Variants in KDM4C observed in about 807,000 individuals in gnomAD.
The protein encoded by KDM4C is lysine-specific demethylase 4C.
In KDM4C, 81 loss-of-function variants were observed where a neutral mutation model predicts 129.3. The observed-to-expected ratio is 0.63, with a 90% CI of 0.52 to 0.75. The LOEUF (loss-of-function observed/expected upper bound fraction) is 0.75, where lower values mean the gene tolerates loss of function less well. Among genes scored for constraint, KDM4C ranks in the 30% least tolerant of loss-of-function variants. The probability of loss-of-function intolerance (pLI) is 0.00; values close to 1 mark genes in which losing one functional copy is unlikely to be tolerated. For synonymous variants in KDM4C, 573 were observed against 456.1 expected (o/e 1.26, Z -3.26); for missense variants, 1,457 against 1,304.0 (o/e 1.12, Z -1.81).
intron 8 of KDM4C, among the ~76,000 whole-genome samples, chr9:6,953,521 C>T (rs774467967): frequency 8.5e-5 from 13 of 152,090 alleles, no homozygotes; most frequent in Non-Finnish European, 1.8e-4. Flanking sequence ...ATAAAGCTTT[C>T]TTTTATTAGA....
At chr9:6,807,798 G>GT (rs1281256517) in intron 3 of KDM4C, among the ~76,000 whole-genome samples, 2 of 145,400 alleles carry the variant, frequency 1.4e-5, no homozygotes, top group Non-Finnish European at 3.0e-5. Flanking sequence ...GGTGGGGGGG[G>GT]GGTCAGCCCC....
intron 4 of KDM4C, 106 bp downstream of exon 4, chr9:6,814,851 CATA>C (rs1831792313): frequency 3.5e-6 from 2 of 563,934 alleles, no homozygotes. Flanking sequence ...TTGGGTGATC[CATA>C]ATTCCTCAAA....
Position 6,806,498 on chromosome 9 carries a change from A to AATAT in KDM4C, c.320+725_320+726insTATA, listed in dbSNP as rs373532277. On this transcript the variant is annotated intron_variant, in intron 3 of 21. Coordinates refer to ENST00000381309, the MANE Select transcript of KDM4C (RefSeq NM_015061.6). ...AACAAGAGTGAAACTCCGTCTCGAA[A>AATAT]AAATAAATAAATAAATAAATAAATA... Among the ~76,000 whole-genome samples the AATAT allele has an allele frequency of 2.0e-5, 3 of 146,690 alleles. No individual in the cohort carries two copies. The East Asian group carries it at 6.0e-4, about 29-fold the overall frequency.
chr9:7,016,044 A>C (rs1012847031), intron 15 of KDM4C, 115 bp downstream of exon 15: 2 of 605,624 alleles, frequency 3.3e-6, no homozygotes, highest in African/African-American at 3.7e-5. Context: ...GCAGTTCTGC[A>C]CTTCCTTGTG....
At chr9:6,952,405 A>T (rs1489994189) in intron 8 of KDM4C, among the ~76,000 whole-genome samples, 1 of 116,286 alleles carries the variant, frequency 8.6e-6, no homozygotes, top group Non-Finnish European at 1.9e-5. Context: ...CACAGTGTGT[A>T]TGTGTGTATA....
At chr9:6,999,185 C>A (rs1304670045) in intron 12 of KDM4C, among the ~76,000 whole-genome samples, 2 of 152,112 alleles carry the variant, frequency 1.3e-5, no homozygotes, top group African/African-American at 2.4e-5. Flanking sequence ...GAAAATTATG[C>A]CCTCCTGCTC....
intron 13 of KDM4C, among the ~76,000 whole-genome samples, chr9:7,012,370 T>C (rs1822873188): frequency 6.6e-6 from 1 of 152,218 alleles, no homozygotes; most frequent in South Asian, 2.1e-4. Context: ...TTTTATTTCA[T>C]GGGTGGGTTA....
chr9:6,815,806 A>T (rs1831978447), intron 4 of KDM4C, among the ~76,000 whole-genome samples: 1 of 152,204 alleles, frequency 6.6e-6, no homozygotes, highest in African/African-American at 2.4e-5. Flanking sequence ...CTCTGGGCCC[A>T]AGCATTATGG....
chr9:7,085,293 C>G (rs1834982925), intron 17 of KDM4C, among the ~76,000 whole-genome samples: 1 of 152,212 alleles, frequency 6.6e-6, no homozygotes, highest in Non-Finnish European at 1.5e-5. Flanking sequence ...TTCTTCATCT[C>G]TAAAACAAAT....
intron 8 of KDM4C, among the ~76,000 whole-genome samples, chr9:6,920,074 C>A (rs1046093340): frequency 6.6e-6 from 1 of 151,998 alleles, no homozygotes. Context: ...TGAGGCCAGC[C>A]CATGCAGAAG....
intron 18 of KDM4C, 49 bp from the exon 19 acceptor site, chr9:7,128,017 T>C: frequency 7.6e-7 from 1 of 1,321,070 alleles, no homozygotes; most frequent in Non-Finnish European, 9.9e-7. Context: ...GTCCTTTCTT[T>C]TCCTGTTCTC....
chr9:6,868,947 G>C (rs1006053702), intron 5 of KDM4C, among the ~76,000 whole-genome samples: 2 of 151,818 alleles, frequency 1.3e-5, no homozygotes, highest in African/African-American at 4.8e-5. Context: ...AGTAGACTAG[G>C]TAATATAAAA....
At chr9:6,902,947 A>G (rs1207141044) in intron 8 of KDM4C, among the ~76,000 whole-genome samples, 1 of 152,180 alleles carries the variant, frequency 6.6e-6, no homozygotes, top group Non-Finnish European at 1.5e-5. Flanking sequence ...TCAGAAACAC[A>G]GTGTAGCTCT....
intron 19 of KDM4C, among the ~76,000 whole-genome samples, chr9:7,152,506 G>T (rs1457199413): frequency 1.3e-5 from 2 of 152,218 alleles, no homozygotes; most frequent in Non-Finnish European, 2.9e-5. Context: ...CAAATTCTCA[G>T]AGACAGAAAG....
At chr9:6,782,545 T>C (rs1367102872) in intron 1 of KDM4C, among the ~76,000 whole-genome samples, 1 of 152,064 alleles carries the variant, frequency 6.6e-6, no homozygotes, top group Admixed American at 6.6e-5. Flanking sequence ...TCACAGAAGG[T>C]ATTCGTAACG....
At chr9:6,757,699 A>G (rs1818468366), upstream of KDM4C, 1 of 985,390 alleles carries the variant, frequency 1.0e-6, no homozygotes, top group African/African-American at 1.7e-5. Flanking sequence ...CATCAGGTCC[A>G]GCCCTGCGGG....
intron 3 of KDM4C, among the ~76,000 whole-genome samples, chr9:6,811,908 G>C (rs1162987021): frequency 6.6e-6 from 1 of 152,180 alleles, no homozygotes; most frequent in Admixed American, 6.5e-5. Flanking sequence ...CACTGGATTT[G>C]TGGAATAGCT....
intron 1 of KDM4C, chr9:6,727,492 C>G (rs1295438724): frequency 1.4e-5 from 2 of 144,964 alleles, no homozygotes; most frequent in African/African-American, 2.6e-5. Context: ...CGCGGTGGCT[C>G]ATGCCTGTAG....
intron 12 of KDM4C, among the ~76,000 whole-genome samples, chr9:7,008,645 C>A (rs1162032538): frequency 6.6e-6 from 1 of 152,180 alleles, no homozygotes; most frequent in African/African-American, 2.4e-5. Flanking sequence ...GTTGACAGGA[C>A]CACACCAGTG....
Sources: allele counts gnomAD v4.1 joint callset (sites outside exome capture counted in the v4.1 genomes callset), GRCh38; gene constraint gnomAD v4.1.1; transcripts MANE v1.5; gene names NCBI Gene and HGNC (gene_info 2026-07-23, HGNC 2026-07-21).